Variants in HS3ST4 observed in about 807,000 individuals in gnomAD.
HS3ST4 encodes the protein heparan sulfate-glucosamine 3-sulfotransferase 4.
In HS3ST4, 17 loss-of-function variants were observed where a neutral mutation model predicts 29.2. The ratio of observed to expected loss-of-function variants is 0.58; its 90% CI spans 0.40 to 0.87. HS3ST4 has a LOEUF of 0.87. Ranked by LOEUF, HS3ST4 falls within the 40% of genes least tolerant of loss-of-function variation. The pLI, the probability that HS3ST4 is intolerant of heterozygous loss-of-function variation, is 0.00. For missense variants in HS3ST4, 627 were observed against 634.5 expected (o/e 0.99, Z 0.13); for synonymous variants, 314 against 285.7 (o/e 1.10, Z -1.00).
At chr16:26,088,720 A>G (rs1217649211) in intron 1 of HS3ST4, among the ~76,000 whole-genome samples, 1 of 151,906 alleles carries the variant, frequency 6.6e-6, no homozygotes, top group Non-Finnish European at 1.5e-5. Flanking sequence ...TTGAGCTTCA[A>G]CTCTTATGTT....
chr16:25,828,294 TTCTTTCCCTC>T lies in HS3ST4; in HGVS notation c.734+135147_734+135156del, dbSNP rs1429266081. ...TTTCTTTCTTTCTTTCTTTCTTTCT[TTCTTTCCCTC>T]TCTCTCTCTCTCTCTCTCTCTCTCT... On this transcript the variant is annotated intron_variant, in intron 1 of 1. Coordinates refer to ENST00000331351, the MANE Select transcript of HS3ST4 (RefSeq NM_006040.3). Among the ~76,000 whole-genome samples the T allele has an allele frequency of 4.4e-4, 20 of 45,118 alleles. No individual in the cohort carries two copies. The South Asian group carries it at 5.5e-3, about 12-fold the overall frequency. The allele number at this position is 45,118 out of a possible 152,430, so 29.6% of individuals were successfully genotyped here.
At chr16:25,699,834 A>C (rs556741823) in intron 1 of HS3ST4, among the ~76,000 whole-genome samples, 1 of 152,204 alleles carries the variant, frequency 6.6e-6, no homozygotes, top group African/African-American at 2.4e-5. Context: ...AATGAGCTCA[A>C]TATTACCCGC....
intron 1 of HS3ST4, among the ~76,000 whole-genome samples, chr16:25,814,099 G>A (rs1178774703): frequency 6.6e-6 from 1 of 152,180 alleles, no homozygotes; most frequent in Non-Finnish European, 1.5e-5. Context: ...TCCAAAAGGG[G>A]GAAGAAGGGA....
chr16:25,858,377 CT>C (rs1462602114), intron 1 of HS3ST4, among the ~76,000 whole-genome samples: 1 of 152,114 alleles, frequency 6.6e-6, no homozygotes, highest in African/African-American at 2.4e-5. Context: ...TCAATACATT[CT>C]GTAAATTGTT....
intron 1 of HS3ST4, among the ~76,000 whole-genome samples, chr16:26,089,208 C>A (rs1465489850): frequency 6.6e-6 from 1 of 152,198 alleles, no homozygotes; most frequent in Admixed American, 6.5e-5. Flanking sequence ...AGAAGGTGCA[C>A]ATAAGGAGAC....
intron 1 of HS3ST4, among the ~76,000 whole-genome samples, chr16:25,914,490 T>C (rs142332007): frequency 2.4e-4 from 36 of 151,642 alleles, no homozygotes; most frequent in South Asian, 4.2e-4. Context: ...GTAAGCAATG[T>C]ACATGTGTGG....
intron 1 of HS3ST4, among the ~76,000 whole-genome samples, chr16:25,870,828 G>A (rs750502527): frequency 7.2e-5 from 11 of 152,170 alleles, no homozygotes; most frequent in Non-Finnish European, 1.2e-4. Context: ...TGGTAGTGGT[G>A]TAGGTGGGAA....
chr16:26,102,010 ATTGTTTGT>A (rs796797226), intron 1 of HS3ST4, among the ~76,000 whole-genome samples: 2 of 152,098 alleles, frequency 1.3e-5, no homozygotes, highest in South Asian at 4.1e-4. Context: ...AATGCACTAC[ATTGTTTGT>A]TTGTTTGTTT....
At chr16:25,799,803 TC>T in intron 1 of HS3ST4, among the ~76,000 whole-genome samples, 1 of 139,122 alleles carries the variant, frequency 7.2e-6, no homozygotes, top group African/African-American at 3.4e-5. Context: ...TGTTGATAGT[TC>T]TGTCTGTCTG....
At position 25,782,834 on chromosome 16, in the gene HS3ST4, C is replaced by T. The variant is rs1039321826; in HGVS notation, c.734+89683C>T. 7.2e-5 allele frequency among the ~76,000 whole-genome samples: 11 copies of T among 152,276 alleles called. No homozygotes were observed. In the East Asian group the frequency reaches 1.2e-3, roughly 16 times the overall value. ...ATAAGTTAAAATAAAATGGATTCAT[C>T]TATGTTTGCAAACATGAGCGTATGA... On this transcript the variant is annotated intron_variant, in intron 1 of 1. Transcript: ENST00000331351.
chr16:25,788,508 C>T (rs905463954), intron 1 of HS3ST4, among the ~76,000 whole-genome samples: 4 of 147,334 alleles, frequency 2.7e-5, no homozygotes, highest in Admixed American at 6.8e-5. Flanking sequence ...TCTTCTTCTT[C>T]TCTATCTTCC....
At chr16:25,925,258 A>G (rs1367788796) in intron 1 of HS3ST4, among the ~76,000 whole-genome samples, 1 of 151,538 alleles carries the variant, frequency 6.6e-6, no homozygotes. Flanking sequence ...AGCTGGTGCC[A>G]GGGATCAAAT....
At chr16:25,873,402 C>T (rs1290863003) in intron 1 of HS3ST4, among the ~76,000 whole-genome samples, 1 of 135,522 alleles carries the variant, frequency 7.4e-6, no homozygotes, top group African/African-American at 2.8e-5. Flanking sequence ...ATCCATCCAT[C>T]CATCCATCCA....
Position 25,692,391 on chromosome 16 carries a change from C to T in HS3ST4, c.-27C>T, listed in dbSNP as rs1966257913. On this transcript the variant is annotated 5_prime_UTR_variant, in exon 1 of 2. Coordinates refer to ENST00000331351, the MANE Select transcript of HS3ST4 (RefSeq NM_006040.3). Reference sequence around the variant, plus strand: ...CAGCGCCGGGGGCTGCCGCCGCCGCCGCCGCCGCCGCGAGCCGGGAGCCGC... The same window carrying T: ...CAGCGCCGGGGGCTGCCGCCGCCGCTGCCGCCGCCGCGAGCCGGGAGCCGC... 1 of 769,108 alleles carries T rather than the reference C, an allele frequency of 1.3e-6. No homozygotes were observed. The highest frequency in any genetic ancestry group is 1.6e-6 in the Non-Finnish European group (1 of 624,208). The allele number at this position is 769,108 out of a possible 1,614,324, so 47.6% of individuals were successfully genotyped here.
At chr16:26,106,545 C>A (rs1288948810) in intron 1 of HS3ST4, among the ~76,000 whole-genome samples, 1 of 152,126 alleles carries the variant, frequency 6.6e-6, no homozygotes, top group African/African-American at 2.4e-5. Context: ...TCAAAGGGTC[C>A]TGATTTATAG....
intron 1 of HS3ST4, among the ~76,000 whole-genome samples, chr16:25,828,248 CTTT>C (rs1967245511): frequency 1.7e-5 from 1 of 60,454 alleles, no homozygotes; most frequent in African/African-American, 7.2e-5. Context: ...CTTTCTCTTT[CTTT>C]CTTTCTTTCT....
Position 25,815,795 on chromosome 16 carries a change from A to G in HS3ST4, c.734+122644A>G, listed in dbSNP as rs566132632. ...ATCTACATCTTCCTTAACTCACTCA[A>G]CTCATCACCTGGTAACTCCTACCCT... On this transcript the variant is annotated intron_variant, in intron 1 of 1. Transcript: ENST00000331351. 5.3e-5 allele frequency among the ~76,000 whole-genome samples: 8 copies of G among 151,770 alleles called. No individual in the cohort carries two copies. The East Asian group carries it at 7.8e-4, about 15-fold the overall frequency.
At chr16:25,956,915 G>A (rs1968739752) in intron 1 of HS3ST4, among the ~76,000 whole-genome samples, 1 of 149,332 alleles carries the variant, frequency 6.7e-6, no homozygotes. Context: ...GGAGAATGGT[G>A]TGAACCCGGG....
At chr16:25,889,846 C>A (rs1393952784) in intron 1 of HS3ST4, among the ~76,000 whole-genome samples, 1 of 152,064 alleles carries the variant, frequency 6.6e-6, no homozygotes, top group African/African-American at 2.4e-5. Flanking sequence ...GTGCTGTTCT[C>A]TGATAGTGAG....
Sources: allele counts gnomAD v4.1 joint callset (sites outside exome capture counted in the v4.1 genomes callset), GRCh38; gene constraint gnomAD v4.1.1; transcripts MANE v1.5; gene names NCBI Gene and HGNC (gene_info 2026-07-23, HGNC 2026-07-21).